SYCP2L: variants seen among roughly 807,000 people sequenced by gnomAD.
SYCP2L encodes the protein synaptonemal complex protein 2 like, also known as synaptonemal complex protein 2-like.
Under a neutral mutation model 125.8 loss-of-function variants are expected in SYCP2L, and 98 were observed. The ratio of observed to expected loss-of-function variants is 0.78; its 90% CI spans 0.66 to 0.92. The LOEUF (loss-of-function observed/expected upper bound fraction) is 0.92, where lower values mean the gene tolerates loss of function less well. SYCP2L is among the 40% of genes least tolerant of loss of function. The pLI is 0.00. For synonymous variants in SYCP2L, 317 were observed against 325.4 expected (o/e 0.97, Z 0.28); for missense variants, 842 against 936.4 (o/e 0.90, Z 1.32).
In SYCP2L at chr6:10,891,549, A is replaced by G; in HGVS notation, c.46A>G (p.Arg16Gly). The change falls in exon 2 of 30, where the codon AGG (arginine) becomes GGG (glycine). Residue 16 changes from arginine to glycine, a missense_variant. By Grantham distance (125) the Arg-to-Gly change is moderately radical. Coordinates refer to ENST00000283141, the MANE Select transcript of SYCP2L (RefSeq NM_001040274.3). ...TGCTTTGCAGCCTATTAAGGAAGACAGGACTGGGAAGGCCCAGGATGATGC... is the reference window on the plus strand; with the variant it reads ...TGCTTTGCAGCCTATTAAGGAAGACGGGACTGGGAAGGCCCAGGATGATGC... ...KDALQPIKED[R>G]TGKAQDDAFW... 6.2e-7 allele frequency: 1 copy of G among 1,603,792 alleles called. No individual in the cohort carries two copies. The highest frequency in any genetic ancestry group is 8.5e-7 in the Non-Finnish European group (1 of 1,173,604).
At position 10,910,269 on chromosome 6, in the gene SYCP2L, T is replaced by G. The variant is rs891926939; in HGVS notation, c.872+69T>G. 3.8e-5 allele frequency: 54 copies of G among 1,414,722 alleles called. 1 individual carries two copies. In the African/African-American group the frequency reaches 6.0e-4, roughly 16 times the overall value. 87.6% of individuals were successfully genotyped at this position (1,414,722 alleles called of 1,614,324 possible). ...AATGTCTAATATTTTAAAAGAACAG[T>G]TTAGGGTCTGTTTCATTTTAGGAGA... On this transcript the variant is annotated intron_variant, in intron 11 of 29. Transcript: ENST00000283141.
intron 4 of SYCP2L, among the ~76,000 whole-genome samples, chr6:10,897,137 G>C (rs972094586): frequency 1.3e-5 from 2 of 152,232 alleles, no homozygotes; most frequent in African/African-American, 2.4e-5. Flanking sequence ...ATTCTGGAGT[G>C]GGGGAGGAAA....
chr6:10,898,373 C>A (rs962606869), intron 5 of SYCP2L, among the ~76,000 whole-genome samples: 21 of 151,836 alleles, frequency 1.4e-4, no homozygotes, highest in Non-Finnish European at 4.4e-5. Flanking sequence ...ATTCGCCGGG[C>A]GTGGTGGTGG....
At chr6:10,948,331 A>G (rs1054482834) in intron 23 of SYCP2L, among the ~76,000 whole-genome samples, 9 of 152,092 alleles carry the variant, frequency 5.9e-5, no homozygotes, top group Admixed American at 2.0e-4. Context: ...CTTTTGACCA[A>G]CGTCTCCCGG....
chr6:10,935,284 G>A, intron 21 of SYCP2L, 97 bp downstream of exon 21: 2 of 1,207,348 alleles, frequency 1.7e-6, no homozygotes, highest in Non-Finnish European at 2.3e-6. Context: ...ATCTATTAAA[G>A]AAAATATGAA....
In SYCP2L at chr6:10,963,763, A is replaced by G. The variant is rs1198468668; in HGVS notation, c.2415-19A>G. On this transcript the variant is annotated intron_variant, in intron 28 of 29. Coordinates refer to ENST00000283141, the MANE Select transcript of SYCP2L (RefSeq NM_001040274.3). ...TTGTCTAATGTGAATATAATAAGAG[A>G]TGGACCAATTTCTTCCAGGTTCAAT... The G allele has an allele frequency of 6.2e-7, 1 of 1,613,350 alleles. No homozygotes were observed. The highest frequency in any genetic ancestry group is 1.1e-5 in the South Asian group (1 of 91,066).
Position 10,912,926 on chromosome 6 carries a change from A to G in SYCP2L, c.1071A>G (p.Thr357=). 6.2e-7 allele frequency: 1 copy of G among 1,613,346 alleles called. No homozygotes were observed. The highest frequency in any genetic ancestry group is 8.5e-7 in the Non-Finnish European group (1 of 1,179,806). ...AAGCGGTGATGAATTTCAGCATAAC[A>G]GGTAATATGATACATTTAAACAACC... is the stretch of plus-strand genomic sequence containing the variant. The part of the protein sequence containing the change: ...PKEAVMNFSI[T]ETEKIKIFII... Residue 357 remains threonine, a splice_region_variant and synonymous_variant, in exon 14 of 30, where the codon ACA becomes ACG. Transcript: ENST00000283141. The surrounding 1 kb of genome is among the most constrained non-coding windows in gnomAD (Gnocchi z 4.1).
At chr6:10,971,475 AGAAAG>A (rs1335875076) in intron 29 of SYCP2L, among the ~76,000 whole-genome samples, 4 of 144,426 alleles carry the variant, frequency 2.8e-5, no homozygotes, top group Non-Finnish European at 6.1e-5. Context: ...AAAAAAAAAA[AGAAAG>A]AAAGAAAGAT....
At chr6:10,911,538 A>T (rs1462610195) in intron 12 of SYCP2L, among the ~76,000 whole-genome samples, 1 of 152,174 alleles carries the variant, frequency 6.6e-6, no homozygotes, top group Non-Finnish European at 1.5e-5. Flanking sequence ...CTAAACTTTC[A>T]GCTCATGGCT....
At chr6:10,938,694 A>G (rs1781153588) in intron 21 of SYCP2L, among the ~76,000 whole-genome samples, 1 of 152,256 alleles carries the variant, frequency 6.6e-6, no homozygotes, top group Non-Finnish European at 1.5e-5. Context: ...TAATAAATGA[A>G]TTCAGTAAAG....
At position 10,974,161 on chromosome 6, in the gene SYCP2L, G is replaced by T. The variant is rs1781820254; in HGVS notation, c.*247G>T. ...AAATTAACCTTTTGTATTAAAATTT[G>T]GTCAGATAGTATTAATAGAAAGTTC... On this transcript the variant is annotated 3_prime_UTR_variant, in exon 30 of 30. Transcript: ENST00000283141. The T allele has an allele frequency of 1.3e-5, 2 of 152,018 alleles. No homozygotes were observed. The highest frequency in any genetic ancestry group is 4.8e-5 in the African/African-American group (2 of 41,370). 9.4% of individuals were successfully genotyped at this position (152,018 alleles called of 1,614,324 possible).
At chr6:10,925,087 A>G (rs761036307) in intron 15 of SYCP2L, among the ~76,000 whole-genome samples, 7 of 152,204 alleles carry the variant, frequency 4.6e-5, no homozygotes, top group Non-Finnish European at 7.3e-5. Context: ...TCACAGTTCA[A>G]CATGGCTGGG....
intron 11 of SYCP2L, among the ~76,000 whole-genome samples, chr6:10,910,423 T>G (rs1185704519): frequency 6.6e-6 from 1 of 152,226 alleles, no homozygotes; most frequent in Non-Finnish European, 1.5e-5. Context: ...AGTTTTATTA[T>G]ATTTGTGACT....
intron 4 of SYCP2L, among the ~76,000 whole-genome samples, chr6:10,895,875 T>C (rs936187204): frequency 3.3e-5 from 5 of 150,848 alleles, no homozygotes; most frequent in Admixed American, 2.6e-4. Flanking sequence ...TAAGAATTCC[T>C]GGCACGGCGG....
intron 23 of SYCP2L, among the ~76,000 whole-genome samples, chr6:10,949,721 C>CTT (rs33952119): frequency 0.3 from 36,251 of 121,384 alleles, 5,985 homozygotes; most frequent in South Asian, 0.44. Context: ...CCTGATACAT[C>CTT]TTTTTTTTTT....
chr6:10,950,519 A>T (rs1397915806), intron 23 of SYCP2L, among the ~76,000 whole-genome samples: 3 of 152,158 alleles, frequency 2.0e-5, no homozygotes, highest in Non-Finnish European at 4.4e-5. Context: ...TACTTCAAAA[A>T]ATATTTTTAG....
At chr6:10,898,428 G>A (rs959209718) in intron 5 of SYCP2L, among the ~76,000 whole-genome samples, 4 of 152,092 alleles carry the variant, frequency 2.6e-5, no homozygotes, top group Non-Finnish European at 4.4e-5. Context: ...CAGGAGAATC[G>A]CTTGAACCTG....
At chr6:10,916,963 G>A (rs1211359824) in intron 14 of SYCP2L, among the ~76,000 whole-genome samples, 2 of 152,208 alleles carry the variant, frequency 1.3e-5, no homozygotes, top group Non-Finnish European at 2.9e-5. Flanking sequence ...CTGCACTCCA[G>A]CCTGGGTGAC....
intron 14 of SYCP2L, among the ~76,000 whole-genome samples, chr6:10,919,103 C>T (rs931184382): frequency 6.6e-6 from 1 of 152,104 alleles, no homozygotes; most frequent in Non-Finnish European, 1.5e-5. Flanking sequence ...TGGTTTGGAT[C>T]CATTGCTGGT....
Sources: gnomAD v4.1 joint callset for allele counts (sites outside exome capture counted in the v4.1 genomes callset) on GRCh38, gnomAD v4.1.1 for gene constraint, Gnocchi (gnomAD v3.1) non-coding constraint, MANE v1.5 for transcripts, NCBI Gene and HGNC (gene_info 2026-07-23, HGNC 2026-07-21) for gene names.